Variants in DGKB observed in about 807,000 individuals in gnomAD.
DGKB encodes the protein 90 kDa diacylglycerol kinase.
A neutral mutation model predicts 114.3 loss-of-function variants in DGKB; 67 were observed. The ratio of observed to expected loss-of-function variants is 0.59; its 90% CI spans 0.48 to 0.72. The LOEUF is 0.72. Among genes scored for constraint, DGKB ranks in the 30% least tolerant of loss-of-function variants. The pLI, the probability that DGKB is intolerant of heterozygous loss-of-function variation, is 0.00. For synonymous variants in DGKB, 398 were observed against 323.1 expected, an observed-to-expected ratio of 1.23 and a Z score of -2.49; for missense variants, 907 against 975.2, an observed-to-expected ratio of 0.93 and a Z score of 0.93.
intron 9 of DGKB, among the ~76,000 whole-genome samples, chr7:14,689,382 A>G (rs1384004060): frequency 6.6e-6 from 1 of 151,510 alleles, no homozygotes; most frequent in Non-Finnish European, 1.5e-5. Context: ...TCACCGTGTT[A>G]GCCAGGATGG....
chr7:14,370,198 T>C (rs1583459719), intron 21 of DGKB, among the ~76,000 whole-genome samples: 2 of 152,224 alleles, frequency 1.3e-5, no homozygotes, highest in African/African-American at 4.8e-5. Context: ...ATATATTAAA[T>C]AGGGAATCCT....
intron 25 of DGKB, among the ~76,000 whole-genome samples, chr7:14,172,043 A>G (rs1781076395): frequency 6.6e-6 from 1 of 152,210 alleles, no homozygotes. Context: ...GGAGTGGAGA[A>G]GTGGAAGGAG....
At chr7:14,472,174 T>C (rs1310952331) in intron 21 of DGKB, among the ~76,000 whole-genome samples, 2 of 152,240 alleles carry the variant, frequency 1.3e-5, no homozygotes, top group Admixed American at 1.3e-4. Flanking sequence ...TAAGACCACC[T>C]GATACGGTTT....
At chr7:14,838,647 A>C (rs1847490610) in intron 2 of DGKB, among the ~76,000 whole-genome samples, 1 of 152,060 alleles carries the variant, frequency 6.6e-6, no homozygotes, top group Non-Finnish European at 1.5e-5. Flanking sequence ...GTCTTTCATG[A>C]TCTACGTTAT....
intron 23 of DGKB, among the ~76,000 whole-genome samples, chr7:14,263,098 T>C (rs1797005056): frequency 6.6e-6 from 1 of 152,098 alleles, no homozygotes; most frequent in African/African-American, 2.4e-5. Context: ...TGTTTTAAAG[T>C]AGGTAGGACT....
At chr7:14,835,313 A>G (rs1320394455) in intron 2 of DGKB, among the ~76,000 whole-genome samples, 1 of 152,178 alleles carries the variant, frequency 6.6e-6, no homozygotes, top group East Asian at 1.9e-4. Context: ...AGCCACCACT[A>G]TCACAATCCT....
chr7:14,368,448 C>T (rs537496420), intron 21 of DGKB, among the ~76,000 whole-genome samples: 13 of 152,214 alleles, frequency 8.5e-5, no homozygotes, highest in African/African-American at 3.1e-4. Flanking sequence ...CTAGGCGTGG[C>T]ACACAGAAAG....
chr7:14,777,083 T>C (rs1216968225), intron 2 of DGKB, among the ~76,000 whole-genome samples: 1 of 152,190 alleles, frequency 6.6e-6, no homozygotes, highest in African/African-American at 2.4e-5. Context: ...CCCTATTGGA[T>C]ACAAACTTGC....
At chr7:14,675,210 G>C (rs1230348536) in intron 12 of DGKB, among the ~76,000 whole-genome samples, 4 of 152,080 alleles carry the variant, frequency 2.6e-5, no homozygotes, top group Admixed American at 2.6e-4. Context: ...CTAAACACGT[G>C]ACTCTGAAGG....
At chr7:14,950,807 C>G (rs1786156132) in intron 1 of DGKB, among the ~76,000 whole-genome samples, 1 of 151,446 alleles carries the variant, frequency 6.6e-6, no homozygotes, top group African/African-American at 2.4e-5. Context: ...GTAGTATAGC[C>G]CAATATATTT....
rs141905220 is a variant in DGKB at position 14,262,181 on chromosome 7, A to G, written c.2122+76334T>C. Among the ~76,000 whole-genome samples the G allele has an allele frequency of 2.6e-3, 403 of 152,312 alleles. 2 individuals are homozygous for G. Among genetic ancestry groups the G allele is most frequent in the African/African-American group, 9.2e-3 (382 of 41,582 alleles). On this transcript the variant is annotated intron_variant, in intron 23 of 25. Coordinates refer to ENST00000402815, the MANE Select transcript of DGKB (RefSeq NM_001350709.2). ...CTAAAAAAGGAAACCCAGTAGTCCA[A>G]TGGTCTTGGGTAGAAAGAGTTTAGC...
At chr7:14,233,393 A>G (rs1226274901) in intron 23 of DGKB, among the ~76,000 whole-genome samples, 1 of 151,996 alleles carries the variant, frequency 6.6e-6, no homozygotes, top group Admixed American at 6.6e-5. Flanking sequence ...TTGTAAAGCA[A>G]TATTTCATGC....
intron 20 of DGKB, among the ~76,000 whole-genome samples, chr7:14,522,472 G>A (rs771231846): frequency 2.0e-5 from 3 of 152,100 alleles, no homozygotes; most frequent in Non-Finnish European, 2.9e-5. Context: ...TCATACTAAC[G>A]AAATTGCCAC....
chr7:14,160,726 T>A (rs1783753417), intron 25 of DGKB, among the ~76,000 whole-genome samples: 1 of 152,148 alleles, frequency 6.6e-6, no homozygotes, highest in South Asian at 2.1e-4. Context: ...GCTAGTCCCA[T>A]CAAGCTACCA....
chr7:14,589,080 A>G (rs1258017859), intron 17 of DGKB, among the ~76,000 whole-genome samples: 1 of 152,056 alleles, frequency 6.6e-6, no homozygotes, highest in Non-Finnish European at 1.5e-5. Flanking sequence ...ACAAAGATAT[A>G]AATTTTCTAC....
intron 10 of DGKB, among the ~76,000 whole-genome samples, chr7:14,683,590 T>C (rs2128972338): frequency 6.6e-6 from 1 of 152,266 alleles, no homozygotes; most frequent in African/African-American, 2.4e-5. Context: ...TAGGGTCAAC[T>C]ACATGTGTTC....
intron 21 of DGKB, among the ~76,000 whole-genome samples, chr7:14,394,825 G>A (rs576547365): frequency 4.6e-5 from 7 of 152,098 alleles, no homozygotes; most frequent in South Asian, 2.1e-4. Context: ...CCCAATTGAT[G>A]GATATCCTGT....
intron 23 of DGKB, among the ~76,000 whole-genome samples, chr7:14,323,536 C>A (rs977017893): frequency 1.3e-5 from 2 of 152,108 alleles, no homozygotes; most frequent in Non-Finnish European, 2.9e-5. Context: ...CTTAAGAGAG[C>A]ATATTTTAAC....
At position 14,923,214 on chromosome 7, in the gene DGKB, A is replaced by G. The variant is rs115943928; in HGVS notation, c.-188+51482T>C. ...TTCTTTGGTATTTTCTAATTTCACTATAATATTTATTTCTGTTTTTAGTTT... is the reference window on the plus strand; with the variant it reads ...TTCTTTGGTATTTTCTAATTTCACTGTAATATTTATTTCTGTTTTTAGTTT... On this transcript the variant is annotated intron_variant, in intron 1 of 4. Coordinates refer to the DGKB transcript ENST00000437998. 6.4e-3 allele frequency among the ~76,000 whole-genome samples: 974 copies of G among 152,282 alleles called. 12 individuals carry two copies. Among genetic ancestry groups the G allele is most frequent in the African/African-American group, 0.021 (889 of 41,572 alleles).
Sources: allele counts gnomAD v4.1 joint callset (sites outside exome capture counted in the v4.1 genomes callset), GRCh38; gene constraint gnomAD v4.1.1; transcripts MANE v1.5; gene names NCBI Gene and HGNC (gene_info 2026-07-23, HGNC 2026-07-21).